The following SUGCT variants were observed in gnomAD, a reference collection of about 807,000 sequenced individuals.
SUGCT encodes succinyl-CoA:glutarate CoA-transferase.
Under a neutral mutation model 55.0 loss-of-function variants are expected in SUGCT, and 41 were observed. The ratio of observed to expected loss-of-function variants is 0.74; its 90% CI spans 0.58 to 0.97. The LOEUF is 0.97. Among genes scored for constraint, SUGCT ranks in the 50% least tolerant of loss-of-function variants. The pLI is 0.00. For missense variants in SUGCT, 568 were observed against 547.8 expected (o/e 1.04, Z -0.37); for synonymous variants, 187 against 200.4 (o/e 0.93, Z 0.56).
chr7:40,354,997 C>T (rs771419978), intron 9 of SUGCT, among the ~76,000 whole-genome samples: 2 of 152,082 alleles, frequency 1.3e-5, no homozygotes, highest in East Asian at 1.9e-4. Context: ...GCCTTTACCT[C>T]GTATTGGGAA....
At chr7:40,206,440 A>G (rs1460241882) in intron 6 of SUGCT, among the ~76,000 whole-genome samples, 1 of 152,234 alleles carries the variant, frequency 6.6e-6, no homozygotes, top group East Asian at 1.9e-4. Flanking sequence ...AGTAGGTAAT[A>G]GTTTGAACCT....
At chr7:40,959,719 A>C in the SUGCT span, among the ~76,000 whole-genome samples, 1 of 152,024 alleles carries the variant, frequency 6.6e-6, no homozygotes, top group Non-Finnish European at 1.5e-5. Flanking sequence ...GGTAGGAAAA[A>C]AAAAAAAAAA....
rs529197367 is a variant in SUGCT at position 40,492,775 on chromosome 7, T to C, written c.987-3509T>C. Among the ~76,000 whole-genome samples the C allele has an allele frequency of 2.0e-3, 312 of 152,312 alleles. 1 individual carries two copies. The highest frequency in any genetic ancestry group is 6.7e-3 in the African/African-American group (280 of 41,566). On this transcript the variant is annotated intron_variant, in intron 11 of 13. Transcript: ENST00000335693. ...TCCGTGGGTCCAGTGCAAGTCTCCC[T>C]CTTTGTTGCTTCAACCATAAGTTGT...
At position 40,215,451 on chromosome 7, in the gene SUGCT, C is replaced by A. The variant is rs554472880; in HGVS notation, c.484+20391C>A. Among the ~76,000 whole-genome samples, 5 of 152,254 alleles carry A rather than the reference C, an allele frequency of 3.3e-5. No homozygotes were observed. The East Asian group carries it at 9.7e-4, about 29-fold the overall frequency. On this transcript the variant is annotated intron_variant, in intron 6 of 13. Transcript: ENST00000335693. ...TTAATAGGTGTGAACCACCCACTCT[C>A]CTCTTGAACATTTTAATCACAGTAA...
chr7:40,984,664 A>G, the SUGCT span, among the ~76,000 whole-genome samples: 11 of 152,160 alleles, frequency 7.2e-5, no homozygotes, highest in African/African-American at 2.7e-4. Flanking sequence ...CTAGGTTGCT[A>G]TAACTATATT....
At chr7:40,591,561 A>C (rs1797719599) in intron 12 of SUGCT, among the ~76,000 whole-genome samples, 1 of 152,226 alleles carries the variant, frequency 6.6e-6, no homozygotes, top group Admixed American at 6.5e-5. Context: ...TGAAAATTCT[A>C]CTGTGGGTAA....
the SUGCT span, among the ~76,000 whole-genome samples, chr7:40,904,250 G>A: frequency 1.3e-5 from 2 of 152,118 alleles, no homozygotes; most frequent in Admixed American, 6.5e-5. Context: ...GGCCCAGGAC[G>A]CCAGGGAGGC....
At chr7:40,717,860 T>C (rs948954379) in intron 12 of SUGCT, among the ~76,000 whole-genome samples, 1 of 152,110 alleles carries the variant, frequency 6.6e-6, no homozygotes, top group African/African-American at 2.4e-5. Flanking sequence ...GAAAAAAATA[T>C]TTGGAACTAA....
chr7:40,469,238 C>T (rs1790282581), intron 11 of SUGCT, among the ~76,000 whole-genome samples: 1 of 151,944 alleles, frequency 6.6e-6, no homozygotes, highest in Admixed American at 6.6e-5. Flanking sequence ...TTATATGTAT[C>T]CTCAACCTAC....
At chr7:40,985,270 C>A in the SUGCT span, among the ~76,000 whole-genome samples, 1 of 152,142 alleles carries the variant, frequency 6.6e-6, no homozygotes, top group Non-Finnish European at 1.5e-5. Context: ...TATTCAATGG[C>A]ATTGTAAATG....
chr7:40,541,510 G>C (rs1794677517), intron 12 of SUGCT, among the ~76,000 whole-genome samples: 1 of 152,110 alleles, frequency 6.6e-6, no homozygotes, highest in Non-Finnish European at 1.5e-5. Flanking sequence ...CAAAAGTGTG[G>C]GCAGTAAGCA....
At chr7:40,234,845 G>T (rs1195404187) in intron 6 of SUGCT, among the ~76,000 whole-genome samples, 5 of 151,964 alleles carry the variant, frequency 3.3e-5, no homozygotes, top group Non-Finnish European at 5.9e-5. Context: ...GTCAGTCGAG[G>T]TTGCGGTGAG....
In SUGCT at chr7:40,489,406, C is replaced by G. The variant is rs183199960; in HGVS notation, c.987-6878C>G. On this transcript the variant is annotated intron_variant, in intron 11 of 13. Transcript: ENST00000335693. Reference sequence around the variant, plus strand: ...CTTAAAACTGCTATTTTGGGCCAGGCGTGGTGGCTCACGCCTTTAATCCCA... The same window carrying G: ...CTTAAAACTGCTATTTTGGGCCAGGGGTGGTGGCTCACGCCTTTAATCCCA... Among the ~76,000 whole-genome samples the G allele has an allele frequency of 2.2e-4, 34 of 152,214 alleles. 2 individuals carry two copies. The highest frequency in any genetic ancestry group is 6.8e-3 in the Middle Eastern group (2 of 294).
intron 8 of SUGCT, among the ~76,000 whole-genome samples, chr7:40,311,853 T>C (rs1485405719): frequency 1.3e-5 from 2 of 152,212 alleles, no homozygotes; most frequent in Non-Finnish European, 2.9e-5. Flanking sequence ...CATTCATTTG[T>C]TAAAAAATAG....
chr7:40,736,082 C>A (rs1787137765), intron 12 of SUGCT, among the ~76,000 whole-genome samples: 1 of 151,072 alleles, frequency 6.6e-6, no homozygotes, highest in South Asian at 2.1e-4. Flanking sequence ...ACAACTCAAC[C>A]CAGAGAGACA....
intron 7 of SUGCT, among the ~76,000 whole-genome samples, chr7:40,250,038 C>T (rs1056480851): frequency 1.3e-5 from 2 of 152,060 alleles, no homozygotes; most frequent in Non-Finnish European, 2.9e-5. Context: ...CAGCCTGCCT[C>T]GGCCTCCCAA....
chr7:40,957,708 C>T, the SUGCT span, among the ~76,000 whole-genome samples: 5 of 151,384 alleles, frequency 3.3e-5, no homozygotes, highest in South Asian at 6.3e-4. Context: ...TGTCAATAAC[C>T]AGTTAGCTGG....
chr7:40,311,918 A>G (rs1464808310), intron 8 of SUGCT, among the ~76,000 whole-genome samples: 2 of 152,222 alleles, frequency 1.3e-5, no homozygotes, highest in African/African-American at 4.8e-5. Context: ...TAAAATAAAT[A>G]AGTCTTACCT....
At position 40,349,400 on chromosome 7, in the gene SUGCT, G is replaced by A. The variant is rs573822885; in HGVS notation, c.816+32545G>A. Among the ~76,000 whole-genome samples, 252 of 152,126 alleles carry A rather than the reference G, an allele frequency of 1.7e-3. 1 individual carries two copies. Among genetic ancestry groups the A allele is most frequent in the Non-Finnish European group, 2.9e-3 (196 of 68,002 alleles). On this transcript the variant is annotated intron_variant, in intron 9 of 13. Transcript: ENST00000335693. Reference sequence around the variant, plus strand: ...TCTTGGCTCTGTTGCCCAGGCTGGAGTGCAGTGGCTCAATCTCAGCTCAAC... The same window carrying A: ...TCTTGGCTCTGTTGCCCAGGCTGGAATGCAGTGGCTCAATCTCAGCTCAAC...
Sources: gnomAD v4.1 joint callset for allele counts (sites outside exome capture counted in the v4.1 genomes callset) on GRCh38, gnomAD v4.1.1 for gene constraint, MANE v1.5 for transcripts, NCBI Gene and HGNC (gene_info 2026-07-23, HGNC 2026-07-21) for gene names.